The following CCSER1 variants were observed in gnomAD, a reference collection of about 807,000 sequenced individuals.
The protein encoded by CCSER1 is serine-rich coiled-coil domain-containing protein 1.
A neutral mutation model predicts 82.0 loss-of-function variants in CCSER1; 41 were observed. The observed-to-expected ratio is 0.50, with a 90% CI of 0.39 to 0.65. CCSER1 has a LOEUF of 0.65. Among genes scored for constraint, CCSER1 ranks in the 30% least tolerant of loss-of-function variants. The pLI is 0.00. For missense variants in CCSER1, 1,119 were observed against 1,064.2 expected (o/e 1.05, Z -0.72); for synonymous variants, 414 against 383.9 (o/e 1.08, Z -0.92).
chr4:90,904,736 C>T (rs571988137), intron 8 of CCSER1, among the ~76,000 whole-genome samples: 4 of 152,232 alleles, frequency 2.6e-5, no homozygotes, highest in Admixed American at 1.3e-4. Context: ...GTAAAGATTC[C>T]TTGTGTTCTT....
intron 10 of CCSER1, among the ~76,000 whole-genome samples, chr4:91,585,267 C>A (rs1763933115): frequency 6.6e-6 from 1 of 151,390 alleles, no homozygotes; most frequent in Non-Finnish European, 1.5e-5. Context: ...TTTCAGTAAT[C>A]CAAGATATAG....
chr4:91,211,639 A>T lies in CCSER1; in HGVS notation c.2217+125645A>T, dbSNP rs72875103. 2.4e-3 allele frequency among the ~76,000 whole-genome samples: 370 copies of T among 152,202 alleles called. 2 individuals are homozygous for T. The highest frequency in any genetic ancestry group is 8.7e-3 in the African/African-American group (360 of 41,552). On this transcript the variant is annotated intron_variant, in intron 10 of 10. Transcript: ENST00000509176. ...TAGCATAGTGGTTGGAGTAAGTACT[A>T]TGGTATTAGAAATGACTTTAGCTTT... is the stretch of plus-strand genomic sequence containing the variant.
chr4:90,392,013 A>T (rs1751255670), intron 3 of CCSER1, among the ~76,000 whole-genome samples: 1 of 152,034 alleles, frequency 6.6e-6, no homozygotes, highest in Non-Finnish European at 1.5e-5. Flanking sequence ...AAACTCATGC[A>T]GTTAGGTTTA....
At chr4:91,512,364 T>A (rs1759873045) in intron 10 of CCSER1, among the ~76,000 whole-genome samples, 1 of 152,176 alleles carries the variant, frequency 6.6e-6, no homozygotes, top group South Asian at 2.1e-4. Context: ...ATGCTTTCTA[T>A]CCTGGGACAT....
chr4:91,313,155 T>C (rs1241250989), intron 10 of CCSER1, among the ~76,000 whole-genome samples: 1 of 151,930 alleles, frequency 6.6e-6, no homozygotes, highest in Non-Finnish European at 1.5e-5. Flanking sequence ...ATCTGTCTTC[T>C]CACATTCATA....
At chr4:91,589,964 T>G (rs2110337637) in intron 10 of CCSER1, among the ~76,000 whole-genome samples, 1 of 152,082 alleles carries the variant, frequency 6.6e-6, no homozygotes, top group African/African-American at 2.4e-5. Flanking sequence ...TTCTACAAGA[T>G]TTGGTTCTGC....
chr4:90,781,839 T>C (rs1260934724), intron 7 of CCSER1: 3 of 946,824 alleles, frequency 3.2e-6, no homozygotes, highest in African/African-American at 1.8e-5. Flanking sequence ...ATCTTTTCTA[T>C]TTGTGTTTTC....
Position 91,373,379 on chromosome 4 carries a change from T to C in CCSER1, c.2218-225193T>C, listed in dbSNP as rs776387463. Among the ~76,000 whole-genome samples, 6 of 152,176 alleles carry C rather than the reference T, an allele frequency of 3.9e-5. No homozygotes were observed. In the South Asian group the frequency reaches 8.3e-4, roughly 21 times the overall value. On this transcript the variant is annotated intron_variant, in intron 10 of 10. Transcript: ENST00000509176. ...CATTTTCCAACAGCATGTGATCACTTCATGTCTCTGTGTCACATTTTGGTA... is the reference window on the plus strand; with the variant it reads ...CATTTTCCAACAGCATGTGATCACTCCATGTCTCTGTGTCACATTTTGGTA...
chr4:90,352,682 A>T (rs1044390329), intron 3 of CCSER1, among the ~76,000 whole-genome samples: 2 of 151,228 alleles, frequency 1.3e-5, no homozygotes, highest in African/African-American at 2.4e-5. Context: ...AAAAACATAT[A>T]TGTATATATA....
intron 10 of CCSER1, among the ~76,000 whole-genome samples, chr4:91,130,636 G>T (rs1373607747): frequency 6.6e-6 from 1 of 151,606 alleles, no homozygotes; most frequent in Non-Finnish European, 1.5e-5. Context: ...TGATATATTT[G>T]ATGATCTCAA....
intron 4 of CCSER1, among the ~76,000 whole-genome samples, chr4:90,413,136 C>T (rs564367428): frequency 6.6e-6 from 1 of 152,180 alleles, no homozygotes; most frequent in East Asian, 1.9e-4. Context: ...ATCAGTAGCC[C>T]TTCTATACAC....
chr4:91,050,953 G>C (rs1407140724), intron 9 of CCSER1, among the ~76,000 whole-genome samples: 2 of 152,050 alleles, frequency 1.3e-5, no homozygotes, highest in Non-Finnish European at 2.9e-5. Flanking sequence ...TTTCAAACAG[G>C]AGGAAAAAGC....
rs145983812 is a variant in CCSER1 at position 90,692,983 on chromosome 4, A to G, written c.1933-30931A>G. Among the ~76,000 whole-genome samples, 299 of 152,052 alleles carry G rather than the reference A, an allele frequency of 2.0e-3. 2 individuals are homozygous for G. The highest frequency in any genetic ancestry group is 6.5e-3 in the African/African-American group (272 of 41,540). On this transcript the variant is annotated intron_variant, in intron 6 of 10. Coordinates refer to ENST00000509176, the MANE Select transcript of CCSER1 (RefSeq NM_001145065.2). ...TGTCTCTTTATTTGTGGAAAGAGCT[A>G]AAGAAACTATTACTATACCAGAAAG... is the stretch of plus-strand genomic sequence containing the variant.
At chr4:91,269,381 G>A (rs1431907832) in intron 10 of CCSER1, among the ~76,000 whole-genome samples, 3 of 152,062 alleles carry the variant, frequency 2.0e-5, no homozygotes, top group South Asian at 2.1e-4. Flanking sequence ...TACAGACTAC[G>A]TGTTTCCTGA....
chr4:91,502,440 TATA>T (rs1334208156), intron 10 of CCSER1, among the ~76,000 whole-genome samples: 2 of 152,146 alleles, frequency 1.3e-5, no homozygotes, highest in Non-Finnish European at 2.9e-5. Flanking sequence ...ATTCTTGGCA[TATA>T]ATAATAATAT....
intron 6 of CCSER1, among the ~76,000 whole-genome samples, chr4:90,691,526 TCA>T (rs906686019): frequency 2.1e-4 from 32 of 150,052 alleles, no homozygotes; most frequent in Middle Eastern, 3.6e-3. Flanking sequence ...TGTGTACATA[TCA>T]CACGTATAAT....
chr4:91,182,002 G>T (rs747802611), intron 10 of CCSER1, among the ~76,000 whole-genome samples: 2 of 152,168 alleles, frequency 1.3e-5, no homozygotes, highest in African/African-American at 2.4e-5. Flanking sequence ...GATAACCGCT[G>T]TCATAGCTAC....
intron 9 of CCSER1, among the ~76,000 whole-genome samples, chr4:90,977,728 T>C (rs1735736359): frequency 6.6e-6 from 1 of 151,700 alleles, no homozygotes; most frequent in African/African-American, 2.4e-5. Flanking sequence ...CATTTGTTTG[T>C]ATATCTGCCT....
chr4:90,550,291 T>A (rs567682537), intron 5 of CCSER1, among the ~76,000 whole-genome samples: 1 of 152,332 alleles, frequency 6.6e-6, no homozygotes, highest in East Asian at 1.9e-4. Context: ...CATTATTTAT[T>A]GATATATTTA....
Sources: gnomAD v4.1 joint callset for allele counts (sites outside exome capture counted in the v4.1 genomes callset) on GRCh38, gnomAD v4.1.1 for gene constraint, MANE v1.5 for transcripts, NCBI Gene and HGNC (gene_info 2026-07-23, HGNC 2026-07-21) for gene names.